ZDHHC7: variants seen among roughly 807,000 people sequenced by gnomAD.
The protein encoded by ZDHHC7 is palmitoyltransferase ZDHHC7.
In ZDHHC7, 12 loss-of-function variants were observed where a neutral mutation model predicts 34.1. That is an observed-to-expected ratio of 0.35 (90% CI 0.23 to 0.57). The LOEUF (loss-of-function observed/expected upper bound fraction) is 0.57, where lower values mean the gene tolerates loss of function less well. ZDHHC7 is among the 20% of genes least tolerant of loss of function. The pLI is 0.84. For synonymous variants in ZDHHC7, 185 were observed against 155.4 expected, an observed-to-expected ratio of 1.19 and a Z score of -1.42; for missense variants, 388 against 402.7, an observed-to-expected ratio of 0.96 and a Z score of 0.31.
At chr16:85,008,962 T>C (rs2072753674) in intron 1 of ZDHHC7, among the ~76,000 whole-genome samples, 1 of 151,622 alleles carries the variant, frequency 6.6e-6, no homozygotes, top group South Asian at 2.1e-4. Context: ...GGAGAATCGC[T>C]TTAACCCAGG....
intron 2 of ZDHHC7, 136 bp from the exon 3 acceptor site, chr16:84,990,771 C>G (rs1449861522): frequency 4.2e-6 from 3 of 713,990 alleles, no homozygotes; most frequent in Non-Finnish European, 6.8e-6. Flanking sequence ...AACATAAAAA[C>G]ATAACTAAGA....
chr16:85,006,447 G>A (rs991741011), intron 1 of ZDHHC7, among the ~76,000 whole-genome samples: 5 of 152,014 alleles, frequency 3.3e-5, no homozygotes, highest in Admixed American at 6.6e-5. Flanking sequence ...CAGTGGCACC[G>A]GTCTACCTGT....
intron 1 of ZDHHC7, among the ~76,000 whole-genome samples, chr16:85,006,461 C>G (rs916144956): frequency 6.6e-6 from 1 of 152,060 alleles, no homozygotes; most frequent in African/African-American, 2.4e-5. Context: ...TACCTGTAAT[C>G]CCGGCACTTT....
the ZDHHC7 span, among the ~76,000 whole-genome samples, chr16:85,020,465 T>C: frequency 2.0e-5 from 3 of 152,164 alleles, no homozygotes; most frequent in Non-Finnish European, 4.4e-5. Context: ...TTTGCTGAGA[T>C]GATACACCCA....
At chr16:84,978,203 T>A in intron 5 of ZDHHC7, 198 bp from the exon 6 acceptor site, 1 of 465,956 alleles carries the variant, frequency 2.1e-6, no homozygotes, top group Admixed American at 3.9e-5. Flanking sequence ...GCTAACTGTT[T>A]TGCATTTTTA....
intron 1 of ZDHHC7, among the ~76,000 whole-genome samples, chr16:85,006,646 G>A (rs1466198606): frequency 6.6e-6 from 1 of 152,020 alleles, no homozygotes; most frequent in African/African-American, 2.4e-5. Context: ...AGGCTAAGGT[G>A]GGAGGATCGC....
intron 4 of ZDHHC7, 44 bp downstream of exon 4, chr16:84,981,826 C>A (rs370745262): frequency 1.2e-6 from 2 of 1,612,344 alleles, no homozygotes; most frequent in Non-Finnish European, 1.7e-6. Flanking sequence ...CACACGTACC[C>A]GCAGTGGCGG....
intron 7 of ZDHHC7, 56 bp downstream of exon 7, chr16:84,977,039 C>A (rs2072307550): frequency 6.2e-7 from 1 of 1,602,188 alleles, no homozygotes; most frequent in African/African-American, 1.3e-5. Context: ...TAGGACTTTT[C>A]ATTTACTCAA....
intron 2 of ZDHHC7, among the ~76,000 whole-genome samples, chr16:84,993,216 G>A (rs1300030365): frequency 6.6e-6 from 1 of 152,000 alleles, no homozygotes; most frequent in Non-Finnish European, 1.5e-5. Context: ...CCCTACTAGG[G>A]AGGCTGAGGG....
At chr16:85,025,723 A>C in the ZDHHC7 span, among the ~76,000 whole-genome samples, 1 of 152,136 alleles carries the variant, frequency 6.6e-6, no homozygotes, top group Non-Finnish European at 1.5e-5. Flanking sequence ...TCTTTTAAAA[A>C]CCAGTTTGAA....
At chr16:84,979,395 A>T (rs923301853) in intron 4 of ZDHHC7, 110 bp from the exon 5 acceptor site, 1 of 1,398,404 alleles carries the variant, frequency 7.2e-7, no homozygotes, top group African/African-American at 1.5e-5. Flanking sequence ...TTCTAATACA[A>T]CATGTCAAAA....
chr16:84,981,738 C>A (rs1163983719), intron 4 of ZDHHC7, 132 bp downstream of exon 4: 1 of 1,541,228 alleles, frequency 6.5e-7, no homozygotes, highest in South Asian at 1.2e-5. Flanking sequence ...CACCTACGGC[C>A]CCGCCCGTAC....
chr16:85,003,229 G>A (rs1304881602), intron 1 of ZDHHC7, among the ~76,000 whole-genome samples: 4 of 152,176 alleles, frequency 2.6e-5, no homozygotes, highest in Non-Finnish European at 5.9e-5. Context: ...CTCAGAGGAA[G>A]TGAGGGGCAG....
chr16:84,977,818 A>G, intron 6 of ZDHHC7, 106 bp downstream of exon 6: 1 of 428,266 alleles, frequency 2.3e-6, no homozygotes, highest in Non-Finnish European at 3.6e-6. Context: ...AAATAATTGC[A>G]ATGATTTCCT....
At chr16:84,992,577 A>C (rs890207568) in intron 2 of ZDHHC7, among the ~76,000 whole-genome samples, 34 of 152,172 alleles carry the variant, frequency 2.2e-4, no homozygotes, top group Admixed American at 1.7e-3. Flanking sequence ...TTGTAATATC[A>C]CAGATAAAGA....
rs778033569 is a variant in ZDHHC7, at chr16:84,981,902, G to A, written c.408C>T (p.Cys136=). The A allele has an allele frequency of 3.1e-5, 50 of 1,614,198 alleles. No individual in the cohort carries two copies. The highest frequency in any genetic ancestry group is 4.1e-5 in the Non-Finnish European group (48 of 1,180,020). Reference sequence around the variant, plus strand: ...GGTGGGCGCGCTCGGGTTTAATACAGCAGCACTTGGGGCACTTGTAGATGA... The same window carrying A: ...GGTGGGCGCGCTCGGGTTTAATACAACAGCACTTGGGGCACTTGTAGATGA... ...GEVIYKCPKC[C]CIKPERAHHC... The change falls in exon 4 of 8, where the codon TGC becomes TGT. Residue 136 remains cysteine, a synonymous_variant. Transcript: ENST00000313732.
the ZDHHC7 span, among the ~76,000 whole-genome samples, chr16:85,019,176 C>G: frequency 6.6e-6 from 1 of 152,332 alleles, no homozygotes; most frequent in East Asian, 1.9e-4. Context: ...ATTTCTCCCT[C>G]CCTCGCATTC....
intron 1 of ZDHHC7, among the ~76,000 whole-genome samples, chr16:84,996,556 C>T (rs187412370): frequency 1.6e-3 from 241 of 152,102 alleles, no homozygotes; most frequent in African/African-American, 5.0e-3. Context: ...ATGGGAGGGT[C>T]GAGGAATCCT....
chr16:85,021,408 C>CAAA, the ZDHHC7 span, among the ~76,000 whole-genome samples: 1 of 59,652 alleles, frequency 1.7e-5, no homozygotes, highest in Non-Finnish European at 2.7e-5. Context: ...GAGACTCCAT[C>CAAA]CAAAAAAAAA....
Sources: allele counts gnomAD v4.1 joint callset (sites outside exome capture counted in the v4.1 genomes callset), GRCh38; gene constraint gnomAD v4.1.1; transcripts MANE v1.5; gene names NCBI Gene and HGNC (gene_info 2026-07-23, HGNC 2026-07-21).